Variants in CPEB1 observed in about 807,000 individuals in gnomAD.
The protein encoded by CPEB1 is cytoplasmic polyadenylation element-binding protein 1.
CPEB1 carries 7 observed loss-of-function variants against 65.8 expected under a neutral mutation model. The observed-to-expected ratio is 0.11, with a 90% CI of 0.06 to 0.20. CPEB1 has a LOEUF of 0.20. Ranked by LOEUF, CPEB1 falls within the 10% of genes least tolerant of loss-of-function variation. The probability of loss-of-function intolerance (pLI) is 1.00; values close to 1 mark genes in which losing one functional copy is unlikely to be tolerated. For synonymous variants in CPEB1, 262 were observed against 260.0 expected (o/e 1.01, Z -0.08); for missense variants, 551 against 712.2 (o/e 0.77, Z 2.58).
At chr15:82,602,222 A>C (rs1045805992) in intron 3 of CPEB1, among the ~76,000 whole-genome samples, 12 of 152,224 alleles carry the variant, frequency 7.9e-5, no homozygotes. Flanking sequence ...GAAAGTCCCA[A>C]ATACCTGAAA....
At chr15:82,548,531 A>C (rs1047675015) in intron 10 of CPEB1, 1 of 285,026 alleles carries the variant, frequency 3.5e-6, no homozygotes, top group African/African-American at 2.2e-5. Context: ...GGAAGGAAAG[A>C]TAAGGGACTC....
intron 3 of CPEB1, among the ~76,000 whole-genome samples, chr15:82,592,924 G>C (rs2042374936): frequency 6.6e-6 from 1 of 152,176 alleles, no homozygotes; most frequent in Non-Finnish European, 1.5e-5. Context: ...CTGAACCTGG[G>C]AGGCGGAGGT....
chr15:82,574,816 T>TA lies in CPEB1; in HGVS notation c.272-3285dup, dbSNP rs2151070845. ...TAAAAAGTGATACCCACAAAATTAATATACAGATGTTCCTCAACTACAGTG... is the reference window on the plus strand; with the variant it reads ...TAAAAAGTGATACCCACAAAATTAATAATACAGATGTTCCTCAACTACAGTG... On this transcript the variant is annotated intron_variant, in intron 3 of 12. Transcript: ENST00000684509. 1.3e-5 allele frequency among the ~76,000 whole-genome samples: 2 copies of TA among 148,772 alleles called. 1 individual carries two copies. The highest frequency in any genetic ancestry group is 4.2e-4 in the South Asian group (2 of 4,706).
intron 3 of CPEB1, among the ~76,000 whole-genome samples, chr15:82,624,310 C>T (rs1171332477): frequency 6.6e-6 from 1 of 152,150 alleles, no homozygotes; most frequent in Non-Finnish European, 1.5e-5. Flanking sequence ...TTGACAGAAA[C>T]CTTTCCTAGA....
At chr15:82,636,006 G>T (rs1204790009) in intron 1 of CPEB1, among the ~76,000 whole-genome samples, 1 of 152,106 alleles carries the variant, frequency 6.6e-6, no homozygotes, top group Non-Finnish European at 1.5e-5. Flanking sequence ...GTGTCGGAAA[G>T]ATAAATCCAT....
At chr15:82,565,619 C>A (rs1475237590) in intron 4 of CPEB1, among the ~76,000 whole-genome samples, 2 of 152,326 alleles carry the variant, frequency 1.3e-5, no homozygotes, top group South Asian at 4.1e-4. Context: ...CATCATGGGG[C>A]ACACAACTTC....
chr15:82,623,814 C>T (rs1318391406), intron 3 of CPEB1, among the ~76,000 whole-genome samples: 3 of 151,996 alleles, frequency 2.0e-5, no homozygotes, highest in African/African-American at 2.4e-5. Flanking sequence ...TTTTACACTT[C>T]GCTTTTTTTC....
chr15:82,629,327 A>G, intron 1 of CPEB1: 1 of 984,866 alleles, frequency 1.0e-6, no homozygotes, highest in Non-Finnish European at 1.2e-6. Context: ...AAGTACCAAC[A>G]GTGGTAAAAC....
chr15:82,639,708 A>G (rs2046950230), intron 1 of CPEB1, among the ~76,000 whole-genome samples: 1 of 152,156 alleles, frequency 6.6e-6, no homozygotes, highest in African/African-American at 2.4e-5. Context: ...CCATTCCCAG[A>G]ACTGAGTGAC....
intron 3 of CPEB1, among the ~76,000 whole-genome samples, chr15:82,613,859 G>A (rs936051331): frequency 3.3e-5 from 5 of 150,058 alleles, no homozygotes; most frequent in East Asian, 3.9e-4. Flanking sequence ...CTACCACCCC[G>A]CCCCGCTCCC....
chr15:82,569,172 G>A (rs2039633806), intron 4 of CPEB1, among the ~76,000 whole-genome samples: 1 of 152,216 alleles, frequency 6.6e-6, no homozygotes, highest in South Asian at 2.1e-4. Flanking sequence ...GCTGGTGAGG[G>A]TGCACGATCT....
chr15:82,583,515 A>G (rs2041491554), intron 3 of CPEB1: 1 of 152,246 alleles, frequency 6.6e-6, no homozygotes, highest in Non-Finnish European at 1.5e-5. Context: ...GTATTTCCAT[A>G]TAGAGGGTAA....
intron 3 of CPEB1, among the ~76,000 whole-genome samples, chr15:82,576,181 T>C (rs1358508382): frequency 6.6e-6 from 1 of 152,126 alleles, no homozygotes; most frequent in African/African-American, 2.4e-5. Context: ...TTATGGTGAG[T>C]GGAAAAAGCC....
At position 82,605,930 on chromosome 15, in the gene CPEB1, C is replaced by G. The variant is rs548160983; in HGVS notation, c.271+21263G>C. On this transcript the variant is annotated intron_variant, in intron 3 of 12. Transcript: ENST00000684509. ...CCGCATGTCTGTAATCCCCGTTACCCGGGAGGCTGGGAGAGGAGAATCGCT... is the reference window on the plus strand; with the variant it reads ...CCGCATGTCTGTAATCCCCGTTACCGGGGAGGCTGGGAGAGGAGAATCGCT... 4.6e-5 allele frequency among the ~76,000 whole-genome samples: 7 copies of G among 151,992 alleles called. 1 individual carries two copies. In the South Asian group the frequency reaches 1.5e-3, roughly 32 times the overall value.
chr15:82,592,134 G>A (rs1481998146), intron 3 of CPEB1, among the ~76,000 whole-genome samples: 3 of 151,806 alleles, frequency 2.0e-5, no homozygotes, highest in African/African-American at 4.8e-5. Flanking sequence ...GAGCCACCAC[G>A]CCCAGCCAGA....
In CPEB1 at chr15:82,544,391, C is replaced by A; in HGVS notation, c.*201G>T. 3.6e-6 allele frequency: 2 copies of A among 551,842 alleles called. No homozygotes were observed. The highest frequency in any genetic ancestry group is 3.1e-5 in the East Asian group (1 of 32,360). 34.2% of individuals were successfully genotyped at this position (551,842 alleles called of 1,614,324 possible). On this transcript the variant is annotated 3_prime_UTR_variant, in exon 13 of 13. Transcript: ENST00000684509. Reference sequence around the variant, plus strand: ...GAGGGTCCTTGCCCTTGGTACACCCCCTGAAAACAAAACCTGACAAAACTC... The same window carrying A: ...GAGGGTCCTTGCCCTTGGTACACCCACTGAAAACAAAACCTGACAAAACTC...
chr15:82,632,274 G>A (rs1344978753), intron 1 of CPEB1, among the ~76,000 whole-genome samples: 2 of 151,738 alleles, frequency 1.3e-5, no homozygotes, highest in South Asian at 2.1e-4. Context: ...GAGCCACTGC[G>A]CCCAGCCAAA....
intron 6 of CPEB1, 64 bp from the exon 7 acceptor site, chr15:82,554,055 C>T (rs2036760936): frequency 1.1e-6 from 1 of 951,504 alleles, no homozygotes; most frequent in Admixed American, 2.4e-5. Flanking sequence ...ACACTCTTCC[C>T]TGGGGTGAAC....
At chr15:82,544,837 TC>T in intron 12 of CPEB1, 135 bp from the exon 13 acceptor site, 1 of 672,774 alleles carries the variant, frequency 1.5e-6, no homozygotes. Context: ...GAAGAAATGG[TC>T]CCTAGGAATG....
Sources: gnomAD v4.1 joint callset for allele counts (sites outside exome capture counted in the v4.1 genomes callset) on GRCh38, gnomAD v4.1.1 for gene constraint, MANE v1.5 for transcripts, NCBI Gene and HGNC (gene_info 2026-07-23, HGNC 2026-07-21) for gene names.